Variants in SATL1 observed in about 807,000 individuals in gnomAD.
SATL1 encodes spermidine/spermine N1-acetyl transferase like 1.
Under a neutral mutation model 51.8 loss-of-function variants are expected in SATL1, and 47 were observed. That is an observed-to-expected ratio of 0.91 (90% confidence interval 0.72 to 1.16). The LOEUF (loss-of-function observed/expected upper bound fraction) is 1.16, where lower values mean the gene tolerates loss of function less well. Among genes scored for constraint, SATL1 ranks in the 50% most tolerant of loss-of-function variants. The pLI, the probability that SATL1 is intolerant of heterozygous loss-of-function variation, is 0.00. For missense variants in SATL1, 520 were observed against 526.4 expected, an observed-to-expected ratio of 0.99 and a Z score of 0.12; for synonymous variants, 176 against 182.4, an observed-to-expected ratio of 0.97 and a Z score of 0.28.
At chrX:85,221,030 A>G (rs141594663) in intron 2 of SATL1, among the ~76,000 whole-genome samples, 2 of 111,087 alleles carry the variant, frequency 1.8e-5, no homozygotes, top group African/African-American at 3.3e-5. Context: ...GTCCAATCCT[A>G]TTGCCACAGT....
At chrX:85,181,187 G>GTATATATATATATATACACA (rs1186037718) in intron 2 of SATL1, among the ~76,000 whole-genome samples, 1 of 87,693 alleles carries the variant, frequency 1.1e-5, no homozygotes, top group Non-Finnish European at 2.1e-5. Context: ...ATGTGTGTGT[G>GTATATATATATATATACACA]TATATATATA....
rs753752661 is a variant in SATL1 at position 85,163,178 on chromosome X, T to G, written c.-312-53898A>C. On this transcript the variant is annotated intron_variant, in intron 2 of 7. Coordinates refer to ENST00000644105, the MANE Select transcript of SATL1 (RefSeq NM_001367857.2). ...TGTGAATCCATCTGGTCCTGGAGTT[T>G]TTGTTGTTGTTGTTGTTGTTGTTGT... 3.7e-5 allele frequency among the ~76,000 whole-genome samples: 4 copies of G among 106,990 alleles called. No homozygotes were observed. The East Asian group carries it at 8.8e-4, about 24-fold the overall frequency. 92.9% of individuals were successfully genotyped at this position (106,990 alleles called of 115,157 possible).
intron 2 of SATL1, among the ~76,000 whole-genome samples, chrX:85,174,015 A>T (rs147220068): frequency 0.041 from 4,303 of 104,274 alleles, 97 homozygotes; most frequent in Non-Finnish European, 0.061. Context: ...GAGTGAGAAC[A>T]TGCGGTGTTT....
chrX:85,124,604 A>G (rs1421119511), intron 2 of SATL1, among the ~76,000 whole-genome samples: 1 of 111,514 alleles, frequency 9.0e-6, no homozygotes, highest in Non-Finnish European at 1.9e-5. Context: ...AAGTAACCCT[A>G]AGAGAAGACT....
intron 2 of SATL1, among the ~76,000 whole-genome samples, chrX:85,141,018 G>A (rs777455640): frequency 6.3e-5 from 7 of 111,421 alleles, no homozygotes; most frequent in Admixed American, 9.6e-5. Context: ...CCATCTTTCC[G>A]CTCTGGAACC....
At chrX:85,123,731 A>G (rs1159173608) in intron 2 of SATL1, among the ~76,000 whole-genome samples, 1 of 111,896 alleles carries the variant, frequency 8.9e-6, no homozygotes, top group Non-Finnish European at 1.9e-5. Context: ...CTGAATATCA[A>G]TGATTACAAA....
At chrX:85,098,607 A>AT (rs1924801488) in intron 4 of SATL1, among the ~76,000 whole-genome samples, 1 of 111,962 alleles carries the variant, frequency 8.9e-6, no homozygotes, top group Non-Finnish European at 1.9e-5. Flanking sequence ...CACACACAGT[A>AT]TTTTTTCTAA....
chrX:85,223,906 C>T (rs1230125183), intron 2 of SATL1, among the ~76,000 whole-genome samples: 1 of 111,212 alleles, frequency 9.0e-6, no homozygotes, highest in Non-Finnish European at 1.9e-5. Flanking sequence ...AAAAATACTT[C>T]TAGATAATGA....
At chrX:85,190,198 A>G (rs764253676) in intron 2 of SATL1, among the ~76,000 whole-genome samples, 5 of 112,313 alleles carry the variant, frequency 4.5e-5, no homozygotes, top group African/African-American at 6.5e-5. Context: ...TCAGTATATC[A>G]AAAACGTTTT....
chrX:85,172,409 G>A (rs922753270), intron 2 of SATL1, among the ~76,000 whole-genome samples: 3 of 111,285 alleles, frequency 2.7e-5, no homozygotes, highest in Non-Finnish European at 5.7e-5. Flanking sequence ...GATTATACAT[G>A]AAATATTCAT....
chrX:85,109,820 C>T lies in SATL1; in HGVS notation c.-312-540G>A, dbSNP rs758800011. ...GGTCAGGAGTTCGAGACCAGCCTGG[C>T]CAATATAATGAAACCTCATGTCTAC... On this transcript the variant is annotated intron_variant, in intron 2 of 7. Transcript: ENST00000644105. 4.5e-5 allele frequency among the ~76,000 whole-genome samples: 5 copies of T among 110,638 alleles called. No homozygotes were observed. The East Asian group carries it at 1.4e-3, about 31-fold the overall frequency.
chrX:85,222,383 G>C (rs1217395706), intron 2 of SATL1, among the ~76,000 whole-genome samples: 1 of 111,918 alleles, frequency 8.9e-6, no homozygotes, highest in African/African-American at 3.2e-5. Flanking sequence ...TAAGGCTAAA[G>C]TGGACAAAGG....
chrX:85,137,791 C>T (rs1411547552), intron 2 of SATL1, among the ~76,000 whole-genome samples: 3 of 111,152 alleles, frequency 2.7e-5, no homozygotes, highest in African/African-American at 9.8e-5. Context: ...TCCCATTATG[C>T]ATATGTCATA....
chrX:85,219,348 T>C (rs1458367986), intron 2 of SATL1: 1 of 112,210 alleles, frequency 8.9e-6, no homozygotes, highest in African/African-American at 3.2e-5. Flanking sequence ...TCTTATCTCT[T>C]CATACCTTGA....
At chrX:85,201,072 G>A (rs1344469553) in intron 2 of SATL1, among the ~76,000 whole-genome samples, 1 of 110,702 alleles carries the variant, frequency 9.0e-6, no homozygotes, top group Non-Finnish European at 1.9e-5. Flanking sequence ...ACTATTTAAT[G>A]GTGTTAAATA....
At chrX:85,221,329 T>C (rs1057095091) in intron 2 of SATL1, among the ~76,000 whole-genome samples, 23 of 111,954 alleles carry the variant, frequency 2.1e-4, no homozygotes, top group African/African-American at 7.5e-4. Context: ...TGCAATCTTA[T>C]GCCATCCTCC....
chrX:85,237,227 G>T, intron 1 of SATL1, among the ~76,000 whole-genome samples: 1 of 110,966 alleles, frequency 9.0e-6, no homozygotes, highest in Non-Finnish European at 1.9e-5. Flanking sequence ...CACAAAAGAT[G>T]CAGAATAGCT....
At chrX:85,236,056 C>A (rs1328418880) in intron 1 of SATL1, among the ~76,000 whole-genome samples, 1 of 111,144 alleles carries the variant, frequency 9.0e-6, no homozygotes, top group Non-Finnish European at 1.9e-5. Flanking sequence ...CTACTATGGG[C>A]AACCATATAC....
chrX:85,127,534 C>T (rs1483442688), intron 2 of SATL1, among the ~76,000 whole-genome samples: 1 of 111,404 alleles, frequency 9.0e-6, no homozygotes, highest in African/African-American at 3.3e-5. Context: ...AATTTTAATC[C>T]TTTGTGATCT....
Sources: allele counts gnomAD v4.1 joint callset (sites outside exome capture counted in the v4.1 genomes callset), GRCh38; gene constraint gnomAD v4.1.1; transcripts MANE v1.5; gene names NCBI Gene and HGNC (gene_info 2026-07-23, HGNC 2026-07-21).